The following RYR2 variants were observed in gnomAD, a reference collection of about 807,000 sequenced individuals.
RYR2 encodes ryanodine receptor 2.
In RYR2, 227 loss-of-function variants were observed where a neutral mutation model predicts 601.1. That is an observed-to-expected ratio of 0.38 (90% CI 0.34 to 0.42). RYR2 has a LOEUF of 0.42. RYR2 is among the 10% of genes least tolerant of loss of function. The pLI, the probability that RYR2 is intolerant of heterozygous loss-of-function variation, is 1.00. For synonymous variants in RYR2, 2,223 were observed against 2,175.1 expected, an observed-to-expected ratio of 1.02 and a Z score of -0.61; for missense variants, 4,646 against 6,156.5, an observed-to-expected ratio of 0.75 and a Z score of 8.21.
intron 63 of RYR2, among the ~76,000 whole-genome samples, chr1:237,691,128 C>G (rs1347134226): frequency 1.3e-5 from 2 of 152,188 alleles, no homozygotes; most frequent in African/African-American, 4.8e-5. Flanking sequence ...AGCATTTAAG[C>G]TTCACATATT....
At chr1:237,780,452 A>G (rs111441159) in intron 88 of RYR2, among the ~76,000 whole-genome samples, 4,176 of 152,288 alleles carry the variant, frequency 0.027, 100 homozygotes, top group African/African-American at 0.06. Flanking sequence ...ATTTAGAAAG[A>G]AAACGTCTCA....
At chr1:237,276,647 T>C (rs1690315992) in intron 2 of RYR2, among the ~76,000 whole-genome samples, 1 of 151,870 alleles carries the variant, frequency 6.6e-6, no homozygotes, top group South Asian at 2.1e-4. Flanking sequence ...TACATATGAG[T>C]TGGAAGGGGA....
chr1:237,419,513 T>C (rs552387057), intron 11 of RYR2, among the ~76,000 whole-genome samples: 38 of 152,290 alleles, frequency 2.5e-4, no homozygotes, highest in African/African-American at 8.9e-4. Context: ...ATAATCAATA[T>C]ATAGAAAGGA....
chr1:237,185,504 C>G (rs1428514563), intron 1 of RYR2, among the ~76,000 whole-genome samples: 1 of 152,028 alleles, frequency 6.6e-6, no homozygotes, highest in Non-Finnish European at 1.5e-5. Flanking sequence ...ACCTTCACTC[C>G]TGGTCATTAG....
At chr1:237,083,463 CT>C (rs1344882958) in intron 1 of RYR2, among the ~76,000 whole-genome samples, 1 of 152,050 alleles carries the variant, frequency 6.6e-6, no homozygotes, top group Non-Finnish European at 1.5e-5. Flanking sequence ...GGCTAAGCTC[CT>C]TTTTTGATAA....
intron 1 of RYR2, among the ~76,000 whole-genome samples, chr1:237,110,811 A>C (rs1251005615): frequency 6.6e-6 from 1 of 152,200 alleles, no homozygotes; most frequent in Non-Finnish European, 1.5e-5. Flanking sequence ...TTCAAACTGA[A>C]ATATTCTATT....
intron 10 of RYR2, among the ~76,000 whole-genome samples, chr1:237,409,103 A>G (rs1303965522): frequency 6.6e-6 from 1 of 151,726 alleles, no homozygotes; most frequent in Non-Finnish European, 1.5e-5. Context: ...TAATCATGTC[A>G]TCTATGAAGA....
Position 237,227,525 on chromosome 1 carries a change from G to GA in RYR2, c.49-42965dup, listed in dbSNP as rs370493676. On this transcript the variant is annotated intron_variant, in intron 1 of 104. Coordinates refer to ENST00000366574, the MANE Select transcript of RYR2 (RefSeq NM_001035.3). ...AACTGTTTCATCATAACATCTATGA[G>GA]AAAAAAATGAAATGGATTCTTGGCC... Among the ~76,000 whole-genome samples the GA allele has an allele frequency of 5.9e-3, 897 of 152,230 alleles. 7 individuals are homozygous for GA. Among genetic ancestry groups the GA allele is most frequent in the African/African-American group, 0.021 (858 of 41,534 alleles).
At chr1:237,384,338 C>A (rs1197498901) in intron 8 of RYR2, among the ~76,000 whole-genome samples, 1 of 152,204 alleles carries the variant, frequency 6.6e-6, no homozygotes, top group Non-Finnish European at 1.5e-5. Context: ...AAATCAAGGT[C>A]GTTGGTTTGG....
chr1:237,350,021 A>C (rs1038312331), intron 3 of RYR2, among the ~76,000 whole-genome samples: 4 of 152,166 alleles, frequency 2.6e-5, no homozygotes, highest in Non-Finnish European at 5.9e-5. Flanking sequence ...ACATGAGACC[A>C]ATATAATACA....
chr1:237,389,931 C>T lies in RYR2; in HGVS notation c.773+1748C>T, dbSNP rs182610393. ...AAGAGCTGGGATTAGATGTGTTTGT[C>T]GATTGGGCATGGCCTTATGAAGGCT... is the stretch of plus-strand genomic sequence containing the variant. On this transcript the variant is annotated intron_variant, in intron 10 of 104. Transcript: ENST00000366574. Among the ~76,000 whole-genome samples the T allele has an allele frequency of 1.4e-4, 22 of 152,164 alleles. No individual in the cohort carries two copies. In the East Asian group the frequency reaches 3.5e-3, roughly 24 times the overall value.
intron 20 of RYR2, among the ~76,000 whole-genome samples, chr1:237,498,155 C>T (rs189296427): frequency 6.6e-6 from 1 of 152,146 alleles, no homozygotes; most frequent in Non-Finnish European, 1.5e-5. Flanking sequence ...TGTGAGCCAC[C>T]GTACCCAGCC....
chr1:237,565,776 A>G (rs1477246757), intron 27 of RYR2, among the ~76,000 whole-genome samples: 1 of 152,154 alleles, frequency 6.6e-6, no homozygotes, highest in African/African-American at 2.4e-5. Context: ...CTGTGGTTTC[A>G]GAAGGACTTA....
At chr1:237,062,896 A>G (rs530992195) in intron 1 of RYR2, among the ~76,000 whole-genome samples, 3 of 150,770 alleles carry the variant, frequency 2.0e-5, no homozygotes, top group Admixed American at 1.3e-4. Flanking sequence ...TCTGCCTTGT[A>G]TTGGGAGTCT....
intron 40 of RYR2, 65 bp downstream of exon 40, chr1:237,625,869 C>T (rs1230533887): frequency 1.0e-5 from 16 of 1,554,832 alleles, no homozygotes; most frequent in African/African-American, 5.5e-5. Context: ...ATCCTTTGAA[C>T]GAATGTTTTA....
chr1:237,571,502 A>G (rs1425271087), intron 29 of RYR2, among the ~76,000 whole-genome samples: 1 of 151,944 alleles, frequency 6.6e-6, no homozygotes, highest in Non-Finnish European at 1.5e-5. Flanking sequence ...TTTAGTAGAG[A>G]CGGGGTTTTA....
At chr1:237,678,206 A>G in intron 61 of RYR2, 94 bp downstream of exon 61, 1 of 695,358 alleles carries the variant, frequency 1.4e-6, no homozygotes. Context: ...ATACTTGTCT[A>G]CAAATGTGTA....
At position 237,374,742 on chromosome 1, in the gene RYR2, G is replaced by A. The variant is rs1042124309; in HGVS notation, c.410G>A (p.Arg137Gln). Residue 137 changes from arginine to glutamine, a missense_variant, in exon 7 of 105, where the codon CGG (arginine) becomes CAG (glutamine). Physicochemically the swap from Arg to Gln is conservative, Grantham distance 43. This residue lies in a region of RYR2 where 153 missense variants were observed against 203.6 expected (regional missense o/e 0.75). Transcript: ENST00000366574. ...GMYLCCLSTS[R>Q]SSTDKLAFDV... ...TATCTGTGCTGCCTGTCCACCTCCC[G>A]GTCTTCAACTGATAAGCTGGCTTTT... 15 of 1,612,930 alleles carry A rather than the reference G, an allele frequency of 9.3e-6. No homozygotes were observed. Among genetic ancestry groups the A allele is most frequent in the African/African-American group, 1.3e-5 (1 of 75,012 alleles).
chr1:237,104,806 GA>G (rs1306305321), intron 1 of RYR2, among the ~76,000 whole-genome samples: 1 of 152,162 alleles, frequency 6.6e-6, no homozygotes, highest in Non-Finnish European at 1.5e-5. Context: ...TCTTTGTACC[GA>G]GTTTGCAAGC....
Sources: gnomAD v4.1 joint callset for allele counts (sites outside exome capture counted in the v4.1 genomes callset) on GRCh38, gnomAD v4.1.1 for gene constraint, gnomAD v4.1.1 regional missense constraint, MANE v1.5 for transcripts, NCBI Gene and HGNC (gene_info 2026-07-23, HGNC 2026-07-21) for gene names.